The following GSX2 variants were observed in gnomAD, a reference collection of about 807,000 sequenced individuals.
GSX2 encodes the protein GS homeobox 2.
Under a neutral mutation model 19.2 loss-of-function variants are expected in GSX2, and 16 were observed. The observed-to-expected ratio is 0.84, with a 90% CI of 0.57 to 1.27. The LOEUF (loss-of-function observed/expected upper bound fraction) is 1.27. GSX2 is among the 50% of genes most tolerant of loss of function. The pLI is 0.00. For missense variants in GSX2, 448 were observed against 428.4 expected, an observed-to-expected ratio of 1.05 and a Z score of -0.40; for synonymous variants, 217 against 196.4, an observed-to-expected ratio of 1.10 and a Z score of -0.88.
chr4:54,101,986 ACC>A lies in GSX2; in HGVS notation c.*66_*67del. 7.4e-7 allele frequency: 1 copy of A among 1,350,222 alleles called. No homozygotes were observed. Among genetic ancestry groups the A allele is most frequent in the Non-Finnish European group, 1.0e-6 (1 of 996,934 alleles). 83.6% of individuals were successfully genotyped at this position (1,350,222 alleles called of 1,614,324 possible). ...ACCAGGCAACGCCAAGGCGTGGGGC[ACC>A]CAGGGGCCAGAATCCTTGCTCATTG... On this transcript the variant is annotated 3_prime_UTR_variant, in exon 2 of 2. Transcript: ENST00000326902. The surrounding 1 kb of genome is among the most constrained non-coding windows in gnomAD (Gnocchi z 5.0).
Position 54,101,508 on chromosome 4 carries a change from G to A in GSX2, c.575-74G>A. 1 of 1,004,912 alleles carries A rather than the reference G, an allele frequency of 1.0e-6. No homozygotes were observed. The highest frequency in any genetic ancestry group is 1.5e-6 in the Non-Finnish European group (1 of 664,864). The allele number at this position is 1,004,912 out of a possible 1,614,324, so 62.2% of individuals were successfully genotyped here. A position where few individuals can be genotyped will look rare whatever the true frequency, so the allele number is the denominator to read the frequency against. On this transcript the variant is annotated intron_variant, in intron 1 of 1. Transcript: ENST00000326902. This position sits in a 1 kb window ranked among gnomAD's most constrained non-coding sequence, Gnocchi z 5.0. ...TTCCCCGGGTGGGTCCCTGAAATGC[G>A]TCCTGGTTAGCACATGGGGTGGGAG...
chr4:54,101,875 C>A lies in GSX2; in HGVS notation c.868C>A (p.Leu290Met), dbSNP rs748464625. The A allele has an allele frequency of 1.4e-5, 22 of 1,612,976 alleles. 1 individual carries two copies. The Admixed American group carries it at 3.7e-4, about 27-fold the overall frequency. Reference protein sequence around the residue: ...HYARSEDEDSLSPASANDDKE... With the variant: ...HYARSEDEDSMSPASANDDKE... ...CGCGCGCTCCGAGGATGAGGACTCCCTGTCGCCGGCCTCAGCCAACGATGA... is the reference window on the plus strand; with the variant it reads ...CGCGCGCTCCGAGGATGAGGACTCCATGTCGCCGGCCTCAGCCAACGATGA... Residue 290 changes from leucine (L) to methionine (M), a missense_variant, in exon 2 of 2, where the codon CTG (leucine) becomes ATG (methionine). Leu to Met is a conservative substitution (Grantham distance 15). Transcript: ENST00000326902. The surrounding 1 kb of genome is among the most constrained non-coding windows in gnomAD (Gnocchi z 5.0).
In GSX2 at chr4:54,100,389, C is replaced by A. The variant is rs1471181122; in HGVS notation, c.45C>A (p.Thr15=). Residue 15 remains threonine (T), a synonymous_variant, in exon 1 of 2, where the codon ACC becomes ACA. Coordinates refer to ENST00000326902, the MANE Select transcript of GSX2 (RefSeq NM_133267.3). ...FYVDSLIIKD[T]SRPAPSLPEP... is the part of the protein sequence containing the mutation. The stretch of plus-strand genomic sequence containing the variant: ...TCGACTCGCTCATCATCAAGGACAC[C>A]TCACGGCCTGCGCCCTCGCTGCCTG... 1 of 1,614,038 alleles carries A rather than the reference C, an allele frequency of 6.2e-7. No individual in the cohort carries two copies. Among genetic ancestry groups the A allele is most frequent in the Non-Finnish European group, 8.5e-7 (1 of 1,179,960 alleles).
rs1205971170 is a variant in GSX2, at chr4:54,100,945, G to T, written c.574+27G>T. 3.9e-6 allele frequency: 6 copies of T among 1,526,048 alleles called. No homozygotes were observed. In the East Asian group the frequency reaches 9.8e-5, roughly 25 times the overall value. 94.5% of individuals were successfully genotyped at this position (1,526,048 alleles called of 1,614,324 possible). Reference sequence around the variant, plus strand: ...TAGGGCGGGGTCTTGGGGCACCTGCGCTCCGCGCCTTTCGCGCTCCTGGAG... The same window carrying T: ...TAGGGCGGGGTCTTGGGGCACCTGCTCTCCGCGCCTTTCGCGCTCCTGGAG... On this transcript the variant is annotated intron_variant, in intron 1 of 1. Coordinates refer to ENST00000326902, the MANE Select transcript of GSX2 (RefSeq NM_133267.3).
Position 54,101,949 on chromosome 4 carries a change from C to T in GSX2, c.*27C>T, listed in dbSNP as rs141885097. ...GGAGGGCCTCCTCCCTCACATCCCC[C>T]GCTCCTGGCAGACCAGGCAACGCCA... On this transcript the variant is annotated 3_prime_UTR_variant, in exon 2 of 2. Coordinates refer to ENST00000326902, the MANE Select transcript of GSX2 (RefSeq NM_133267.3). The surrounding 1 kb of genome is among the most constrained non-coding windows in gnomAD (Gnocchi z 5.0). 6 of 1,520,648 alleles carry T rather than the reference C, an allele frequency of 3.9e-6. No homozygotes were observed. In the South Asian group the frequency reaches 7.6e-5, roughly 19 times the overall value. The allele number at this position is 1,520,648 out of a possible 1,614,324, so 94.2% of individuals were successfully genotyped here.
rs900215300 is a variant in GSX2, at chr4:54,102,099, C to T, written c.*177C>T. 3 of 594,376 alleles carry T rather than the reference C, an allele frequency of 5.0e-6. No homozygotes were observed. The highest frequency in any genetic ancestry group is 8.9e-6 in the Non-Finnish European group (3 of 338,020). The allele number at this position is 594,376 out of a possible 1,614,324, so 36.8% of individuals were successfully genotyped here. A position where few individuals can be genotyped will look rare whatever the true frequency, so the allele number is the denominator to read the frequency against. ...TGACCCTTCGCGTCTCCTTCTTGAC[C>T]TGTTTATCTAGGACTCCAACTTGAA... On this transcript the variant is annotated 3_prime_UTR_variant, in exon 2 of 2. Coordinates refer to ENST00000326902, the MANE Select transcript of GSX2 (RefSeq NM_133267.3).
chr4:54,100,455 G>T lies in GSX2; in HGVS notation c.111G>T (p.Met37Ile). The change falls in exon 1 of 2, where the codon ATG becomes ATT. Residue 37 changes from methionine to isoleucine, a missense_variant. Physicochemically the swap from Met to Ile is conservative, Grantham distance 10. Transcript: ENST00000326902. The part of the protein sequence containing the change: ...PGPDFFIPLG[M>I]PPPLVMSVSG... ...CGGATTTCTTCATCCCGCTTGGCAT[G>T]CCGCCCCCATTGGTGATGTCCGTGT... The T allele has an allele frequency of 6.2e-7, 1 of 1,613,982 alleles. No individual in the cohort carries two copies. Among genetic ancestry groups the T allele is most frequent in the Non-Finnish European group, 8.5e-7 (1 of 1,179,968 alleles).
Position 54,100,221 on chromosome 4 carries a change from C to A in GSX2, c.-124C>A. ...CCTTTGTTCCCAGCCCAGACGCCAACACCTCTGCGTCCCCAAGGGCTTGAC... is the reference window on the plus strand; with the variant it reads ...CCTTTGTTCCCAGCCCAGACGCCAAAACCTCTGCGTCCCCAAGGGCTTGAC... On this transcript the variant is annotated 5_prime_UTR_variant, in exon 1 of 2. Coordinates refer to ENST00000326902, the MANE Select transcript of GSX2 (RefSeq NM_133267.3). 4 of 1,420,442 alleles carry A rather than the reference C, an allele frequency of 2.8e-6. No homozygotes were observed. Among genetic ancestry groups the A allele is most frequent in the Non-Finnish European group, 3.8e-6 (4 of 1,056,546 alleles). The allele number at this position is 1,420,442 out of a possible 1,614,324, so 88.0% of individuals were successfully genotyped here.
In GSX2 at chr4:54,100,668, G is replaced by A. The variant is rs1230430085; in HGVS notation, c.324G>A (p.Gln108=). 3.9e-6 allele frequency: 6 copies of A among 1,548,740 alleles called. No homozygotes were observed. The highest frequency in any genetic ancestry group is 2.4e-5 in the South Asian group (2 of 83,958). The stretch of plus-strand genomic sequence containing the variant: ...GGGCACTGCCTCTGCTTAAGGGCCA[G>A]TTCTCTTCGGCTCCTGGGGACGCGC... ...AAGALPLLKG[Q]FSSAPGDAQF... is the part of the protein sequence containing the mutation. The change falls in exon 1 of 2, where the codon CAG becomes CAA. Residue 108 remains glutamine (Q), a synonymous_variant. Coordinates refer to ENST00000326902, the MANE Select transcript of GSX2 (RefSeq NM_133267.3).
rs1718184341 is a variant in GSX2, at chr4:54,101,965, G to A, written c.*43G>A. The A allele has an allele frequency of 6.7e-7, 1 of 1,482,122 alleles. No individual in the cohort carries two copies. Among genetic ancestry groups the A allele is most frequent in the South Asian group, 1.3e-5 (1 of 75,172 alleles). 91.8% of individuals were successfully genotyped at this position (1,482,122 alleles called of 1,614,324 possible). ...CACATCCCCCGCTCCTGGCAGACCA[G>A]GCAACGCCAAGGCGTGGGGCACCCA... On this transcript the variant is annotated 3_prime_UTR_variant, in exon 2 of 2. Transcript: ENST00000326902. This position sits in a 1 kb window ranked among gnomAD's most constrained non-coding sequence, Gnocchi z 5.0.
In GSX2 at chr4:54,101,869, G is replaced by C. The variant is rs779282683; in HGVS notation, c.862G>C (p.Asp288His). The C allele has an allele frequency of 3.1e-6, 5 of 1,613,526 alleles. No homozygotes were observed. Among genetic ancestry groups the C allele is most frequent in the Non-Finnish European group, 4.2e-6 (5 of 1,179,508 alleles). Reference protein sequence around the residue: ...QVHYARSEDEDSLSPASANDD... With the variant: ...QVHYARSEDEHSLSPASANDD... The stretch of plus-strand genomic sequence containing the variant: ...GCACTACGCGCGCTCCGAGGATGAG[G>C]ACTCCCTGTCGCCGGCCTCAGCCAA... The change falls in exon 2 of 2, where the codon GAC (aspartate) becomes CAC (histidine). Residue 288 changes from aspartate to histidine, a missense_variant. Coordinates refer to ENST00000326902, the MANE Select transcript of GSX2 (RefSeq NM_133267.3). This position sits in a 1 kb window ranked among gnomAD's most constrained non-coding sequence, Gnocchi z 5.0.
Position 54,101,471 on chromosome 4 carries a change from G to A in GSX2, c.575-111G>A, listed in dbSNP as rs1160934659. 3.0e-6 allele frequency: 2 copies of A among 670,046 alleles called. No homozygotes were observed. The highest frequency in any genetic ancestry group is 1.9e-5 in the South Asian group (1 of 53,448). The allele number at this position is 670,046 out of a possible 1,614,324, so 41.5% of individuals were successfully genotyped here. A position where few individuals can be genotyped will look rare whatever the true frequency, so the allele number is the denominator to read the frequency against. The stretch of plus-strand genomic sequence containing the variant: ...CTTGAAATGGGAAAGGGATACAGAT[G>A]TTCGGCTGGGCTTCCCCGGGTGGGT... On this transcript the variant is annotated intron_variant, in intron 1 of 1. Coordinates refer to ENST00000326902, the MANE Select transcript of GSX2 (RefSeq NM_133267.3). This position sits in a 1 kb window ranked among gnomAD's most constrained non-coding sequence, Gnocchi z 5.0.
At chr4:54,100,954 C>G in intron 1 of GSX2, 36 bp downstream of exon 1, 2 of 1,513,406 alleles carry the variant, frequency 1.3e-6, no homozygotes, top group African/African-American at 1.4e-5. Context: ...CGCTCCGCGC[C>G]TTTCGCGCTC....
rs1054937052 is a variant in GSX2, at chr4:54,101,184, G to T, written c.574+266G>T. The stretch of plus-strand genomic sequence containing the variant: ...TACTGGGGCCTTAGGGACCTCGAAC[G>T]TCACGGCGGATAAACCAGAGGTTAA... On this transcript the variant is annotated intron_variant, in intron 1 of 1. Transcript: ENST00000326902. The surrounding 1 kb of genome is among the most constrained non-coding windows in gnomAD (Gnocchi z 5.0). 2.0e-5 allele frequency among the ~76,000 whole-genome samples: 3 copies of T among 152,194 alleles called. No homozygotes were observed. The highest frequency in any genetic ancestry group is 7.2e-5 in the African/African-American group (3 of 41,446).
In GSX2 at chr4:54,101,573, G is replaced by C; in HGVS notation, c.575-9G>C. ...CTTACCTCTCTACCCTCTCTTCGCCGGTCCGCAGGAGGCTCTGACGCCAGC... is the reference window on the plus strand; with the variant it reads ...CTTACCTCTCTACCCTCTCTTCGCCCGTCCGCAGGAGGCTCTGACGCCAGC... On this transcript the variant is annotated splice_polypyrimidine_tract_variant and intron_variant, in intron 1 of 1. Coordinates refer to ENST00000326902, the MANE Select transcript of GSX2 (RefSeq NM_133267.3). The surrounding 1 kb of genome is among the most constrained non-coding windows in gnomAD (Gnocchi z 5.0). 6.2e-7 allele frequency: 1 copy of C among 1,600,830 alleles called. No individual in the cohort carries two copies. The highest frequency in any genetic ancestry group is 8.5e-7 in the Non-Finnish European group (1 of 1,170,566).
In GSX2 at chr4:54,101,475, G is replaced by A. The variant is rs1718173575; in HGVS notation, c.575-107G>A. ...AAATGGGAAAGGGATACAGATGTTC[G>A]GCTGGGCTTCCCCGGGTGGGTCCCT... On this transcript the variant is annotated intron_variant, in intron 1 of 1. Transcript: ENST00000326902. The surrounding 1 kb of genome is among the most constrained non-coding windows in gnomAD (Gnocchi z 5.0). 7.3e-6 allele frequency: 5 copies of A among 684,318 alleles called. No homozygotes were observed. Among genetic ancestry groups the A allele is most frequent in the Non-Finnish European group, 1.3e-5 (5 of 393,646 alleles). 42.4% of individuals were successfully genotyped at this position (684,318 alleles called of 1,614,324 possible).
rs1442400661 is a variant in GSX2 at position 54,100,641 on chromosome 4, A to T, written c.297A>T (p.Ala99=). The T allele has an allele frequency of 1.9e-5, 30 of 1,547,498 alleles. No individual in the cohort carries two copies. Among genetic ancestry groups the T allele is most frequent in the Non-Finnish European group, 2.6e-5 (30 of 1,146,016 alleles). Reference sequence around the variant, plus strand: ...GAGGCAGTGGGGTGGCAGGGGCCGCAGGGGCACTGCCTCTGCTTAAGGGCC... The same window carrying T: ...GAGGCAGTGGGGTGGCAGGGGCCGCTGGGGCACTGCCTCTGCTTAAGGGCC... The part of the protein sequence containing the change: ...GAGGSGVAGA[A]GALPLLKGQF... The change falls in exon 1 of 2, where the codon GCA becomes GCT. Residue 99 remains alanine, a synonymous_variant. Coordinates refer to ENST00000326902, the MANE Select transcript of GSX2 (RefSeq NM_133267.3).
In GSX2 at chr4:54,100,349, C is replaced by A; in HGVS notation, c.5C>A (p.Ser2Ter). The change falls in exon 1 of 2, where the codon TCG becomes TAG. Residue 2 changes from serine (S) to a stop codon, truncating the protein, a stop_gained. Coordinates refer to ENST00000326902, the MANE Select transcript of GSX2 (RefSeq NM_133267.3). LOFTEE classifies it high-confidence loss of function. M[S>*]RSFYVDSLII... Reference sequence around the variant, plus strand: ...CAGCCACCCACCCCTCTCGACATGTCGCGCTCCTTCTATGTCGACTCGCTC... The same window carrying A: ...CAGCCACCCACCCCTCTCGACATGTAGCGCTCCTTCTATGTCGACTCGCTC... 1 of 1,613,330 alleles carries A rather than the reference C, an allele frequency of 6.2e-7. No individual in the cohort carries two copies. Among genetic ancestry groups the A allele is most frequent in the South Asian group, 1.1e-5 (1 of 91,048 alleles).
Position 54,101,729 on chromosome 4 carries a change from T to A in GSX2, c.722T>A (p.Leu241Gln). ...ATTGAAATCGCCACTTACCTGAACC[T>A]GTCGGAGAAGCAGGTGAAAATCTGG... ...RRIEIATYLNLSEKQVKIWFQ... is the reference protein window; with the variant it reads ...RRIEIATYLNQSEKQVKIWFQ... The change falls in exon 2 of 2, where the codon CTG (leucine) becomes CAG (glutamine). Residue 241 changes from leucine to glutamine, a missense_variant. Transcript: ENST00000326902. The surrounding 1 kb of genome is among the most constrained non-coding windows in gnomAD (Gnocchi z 5.0). The A allele has an allele frequency of 6.2e-7, 1 of 1,614,172 alleles. No homozygotes were observed. Among genetic ancestry groups the A allele is most frequent in the Non-Finnish European group, 8.5e-7 (1 of 1,180,026 alleles).
Sources: gnomAD v4.1 joint callset for allele counts (sites outside exome capture counted in the v4.1 genomes callset) on GRCh38, gnomAD v4.1.1 for gene constraint, Gnocchi (gnomAD v3.1) non-coding constraint, MANE v1.5 for transcripts, NCBI Gene and HGNC (gene_info 2026-07-23, HGNC 2026-07-21) for gene names.